Variants in MSMO1 observed in about 807,000 individuals in gnomAD.
The protein encoded by MSMO1 is methylsterol monooxygenase 1.
In MSMO1, 18 loss-of-function variants were observed where a neutral mutation model predicts 30.4. The observed-to-expected ratio is 0.59, with a 90% CI of 0.41 to 0.88. The LOEUF is 0.88. MSMO1 is among the 40% of genes least tolerant of loss of function. MSMO1 has a pLI of 0.00. For missense variants in MSMO1, 284 were observed against 340.5 expected, an observed-to-expected ratio of 0.83 and a Z score of 1.31; for synonymous variants, 84 against 107.9, an observed-to-expected ratio of 0.78 and a Z score of 1.37.
chr4:165,333,324 G>T lies in MSMO1; in HGVS notation c.-31-16G>T. On this transcript the variant is annotated splice_polypyrimidine_tract_variant and intron_variant, in intron 1 of 5. Transcript: ENST00000261507. ...GCTCATTGTTTAACTTATTATATAT[G>T]TATTCATTTCTACAGAATTATAAGG... The T allele has an allele frequency of 1.3e-6, 2 of 1,589,768 alleles. No individual in the cohort carries two copies. The highest frequency in any genetic ancestry group is 1.7e-6 in the Non-Finnish European group (2 of 1,162,864).
chr4:165,329,574 CAAAA>C lies in MSMO1; in HGVS notation c.-32+1822_-32+1825del, dbSNP rs373961662. On this transcript the variant is annotated intron_variant, in intron 1 of 5. Transcript: ENST00000261507. Reference sequence around the variant, plus strand: ...TCTTCCAGATTAGTCAAATAAACTCCAAAAAAAAAAAAAAAGGTTTATTGGATTT... The same window carrying C: ...TCTTCCAGATTAGTCAAATAAACTCCAAAAAAAAAAAGGTTTATTGGATTT... Among the ~76,000 whole-genome samples, 20 of 89,476 alleles carry C rather than the reference CAAAA, an allele frequency of 2.2e-4. 1 individual carries two copies. Among genetic ancestry groups the C allele is most frequent in the African/African-American group, 7.3e-4 (19 of 25,986 alleles). 58.7% of individuals were successfully genotyped at this position (89,476 alleles called of 152,430 possible).
intron 2 of MSMO1, among the ~76,000 whole-genome samples, chr4:165,334,954 C>G (rs902803485): frequency 6.6e-6 from 1 of 152,160 alleles, no homozygotes. Context: ...TGTGTCTACA[C>G]TGAACATGTA....
chr4:165,341,056 A>G (rs938242096), intron 5 of MSMO1, among the ~76,000 whole-genome samples: 80 of 151,336 alleles, frequency 5.3e-4, no homozygotes, highest in Non-Finnish European at 1.1e-3. Context: ...TTTTCTATCC[A>G]TTGTTTCTTT....
At chr4:165,335,448 T>C (rs531940333) in intron 2 of MSMO1, among the ~76,000 whole-genome samples, 1 of 152,342 alleles carries the variant, frequency 6.6e-6, no homozygotes, top group Middle Eastern at 3.4e-3. Context: ...AAGTGCTTTT[T>C]AGGAAAGCAG....
In MSMO1 at chr4:165,342,181, T is replaced by G; in HGVS notation, c.*235T>G. Reference sequence around the variant, plus strand: ...TAAGTACAGTTTTCATGAGGAAGTTTTAAAAGACCATGTTCCTAAGCTTCC... The same window carrying G: ...TAAGTACAGTTTTCATGAGGAAGTTGTAAAAGACCATGTTCCTAAGCTTCC... On this transcript the variant is annotated 3_prime_UTR_variant, in exon 6 of 6. Transcript: ENST00000261507. 1 of 396,384 alleles carries G rather than the reference T, an allele frequency of 2.5e-6. No homozygotes were observed. The highest frequency in any genetic ancestry group is 2.8e-5 in the South Asian group (1 of 36,104). 24.6% of individuals were successfully genotyped at this position (396,384 alleles called of 1,614,324 possible).
Position 165,338,793 on chromosome 4 carries a change from T to C in MSMO1, c.531+15T>C, listed in dbSNP as rs112787177. 1.3e-5 allele frequency: 20 copies of C among 1,567,826 alleles called. No individual in the cohort carries two copies. The African/African-American group carries it at 1.6e-4, about 13-fold the overall frequency. ...ATGAGTTTCAGGTATGTGAGAGTTA[T>C]ATTTAATTCTTTCTGTTAGAGGCAA... is the stretch of plus-strand genomic sequence containing the variant. On this transcript the variant is annotated intron_variant, in intron 4 of 5. Coordinates refer to ENST00000261507, the MANE Select transcript of MSMO1 (RefSeq NM_006745.5).
intron 1 of MSMO1, chr4:165,327,995 A>C (rs3756015): frequency 0.37 from 56,901 of 152,218 alleles, 11,133 homozygotes; most frequent in Middle Eastern, 0.49. Flanking sequence ...AAGTGATGGA[A>C]CTAGGCTAGG....
rs72119405 is a variant in MSMO1 at position 165,338,306 on chromosome 4, GTATATATATATA to G, written c.405-333_405-322del. Among the ~76,000 whole-genome samples the G allele has an allele frequency of 1.2e-4, 10 of 83,338 alleles. No homozygotes were observed. The South Asian group carries it at 1.9e-3, about 16-fold the overall frequency. The allele number at this position is 83,338 out of a possible 152,430, so 54.7% of individuals were successfully genotyped here. ...TTTACATGAACAAAAATATGTATGT[GTATATATATATA>G]TATATATATATACACACATATATAT... On this transcript the variant is annotated intron_variant, in intron 3 of 5. Coordinates refer to ENST00000261507, the MANE Select transcript of MSMO1 (RefSeq NM_006745.5).
In MSMO1 at chr4:165,333,287, T is replaced by A. The variant is rs1001562788; in HGVS notation, c.-31-53T>A. ...CAGAGGATGCATTTTTTAACTGTTT[T>A]ATTTTTTGAAAGCTCATTGTTTAAC... is the stretch of plus-strand genomic sequence containing the variant. On this transcript the variant is annotated intron_variant, in intron 1 of 5. Coordinates refer to ENST00000261507, the MANE Select transcript of MSMO1 (RefSeq NM_006745.5). 9.7e-6 allele frequency: 14 copies of A among 1,447,874 alleles called. No individual in the cohort carries two copies. In the African/African-American group the frequency reaches 2.0e-4, roughly 21 times the overall value. The allele number at this position is 1,447,874 out of a possible 1,614,324, so 89.7% of individuals were successfully genotyped here.
At chr4:165,332,933 A>G (rs945974379) in intron 1 of MSMO1, among the ~76,000 whole-genome samples, 1 of 152,140 alleles carries the variant, frequency 6.6e-6, no homozygotes, top group African/African-American at 2.4e-5. Flanking sequence ...TAATTTTTAT[A>G]TACTCATATT....
intron 5 of MSMO1, 21 bp downstream of exon 5, chr4:165,340,396 A>T: frequency 6.3e-7 from 1 of 1,591,678 alleles, no homozygotes; most frequent in Non-Finnish European, 8.6e-7. Flanking sequence ...ATTTCTGTTC[A>T]GGTATAAAGC....
intron 3 of MSMO1, 62 bp from the exon 4 acceptor site, chr4:165,338,590 A>G (rs778155219): frequency 4.1e-6 from 6 of 1,458,266 alleles, no homozygotes; most frequent in Non-Finnish European, 5.8e-6. Context: ...GATCCCAACT[A>G]AAAGTCTGGA....
In MSMO1 at chr4:165,342,916, A is replaced by AT. The variant is rs1277715616; in HGVS notation, c.*977dup. 6.6e-6 allele frequency: 1 copy of AT among 152,570 alleles called. No homozygotes were observed. The highest frequency in any genetic ancestry group is 2.4e-5 in the African/African-American group (1 of 41,422). 9.5% of individuals were successfully genotyped at this position (152,570 alleles called of 1,614,324 possible). A position where few individuals can be genotyped will look rare whatever the true frequency, so the allele number is the denominator to read the frequency against. ...TCTAAAGGCTTTTCAAATTACTTGA[A>AT]TTTTTTTAAAAATTGAGGAGCTTTA... On this transcript the variant is annotated 3_prime_UTR_variant, in exon 6 of 6. Transcript: ENST00000261507.
At chr4:165,332,077 C>T (rs1005384238) in intron 1 of MSMO1, among the ~76,000 whole-genome samples, 9 of 152,162 alleles carry the variant, frequency 5.9e-5, no homozygotes, top group Non-Finnish European at 8.8e-5. Flanking sequence ...TCTTCATTAA[C>T]ACTATCTCCT....
intron 1 of MSMO1, among the ~76,000 whole-genome samples, chr4:165,331,737 A>G (rs964654533): frequency 6.6e-6 from 1 of 152,196 alleles, no homozygotes; most frequent in Non-Finnish European, 1.5e-5. Flanking sequence ...GGTCCAAAAA[A>G]TTCATAAATT....
rs764034723 is a variant in MSMO1 at position 165,338,728 on chromosome 4, C to T, written c.481C>T (p.His161Tyr). 3.8e-6 allele frequency: 6 copies of T among 1,596,670 alleles called. No individual in the cohort carries two copies. Among genetic ancestry groups the T allele is most frequent in the African/African-American group, 1.3e-5 (1 of 74,496 alleles). ...GCACTATTTTCTGCATAGACTCTTACACCACAAAAGAATATACAAGTATAT... is the reference window on the plus strand; with the variant it reads ...GCACTATTTTCTGCATAGACTCTTATACCACAAAAGAATATACAAGTATAT... ...TWHYFLHRLLHHKRIYKYIHK... is the reference protein window; with the variant it reads ...TWHYFLHRLLYHKRIYKYIHK... Residue 161 changes from histidine (H) to tyrosine (Y), a missense_variant, in exon 4 of 6, where the codon CAC becomes TAC. Coordinates refer to ENST00000261507, the MANE Select transcript of MSMO1 (RefSeq NM_006745.5).
chr4:165,333,399 T>G lies in MSMO1; in HGVS notation c.29T>G (p.Phe10Cys). Reference sequence around the variant, plus strand: ...GCAACAAATGAAAGTGTCAGCATCTTTAGTTCAGCATCCTTGGCTGTGGAA... The same window carrying G: ...GCAACAAATGAAAGTGTCAGCATCTGTAGTTCAGCATCCTTGGCTGTGGAA... MATNESVSI[F>C]SSASLAVEYV... The change falls in exon 2 of 6, where the codon TTT becomes TGT. Residue 10 changes from phenylalanine (F) to cysteine (C), a missense_variant. By Grantham distance (205) the Phe-to-Cys change is radical. Transcript: ENST00000261507. 1 of 1,611,960 alleles carries G rather than the reference T, an allele frequency of 6.2e-7. No homozygotes were observed. The highest frequency in any genetic ancestry group is 1.1e-5 in the South Asian group (1 of 90,970).
rs755855579 is a variant in MSMO1, at chr4:165,337,768, T to A, written c.256-21T>A. 1.1e-5 allele frequency: 17 copies of A among 1,611,764 alleles called. No homozygotes were observed. In the Admixed American group the frequency reaches 1.7e-4, roughly 16 times the overall value. On this transcript the variant is annotated intron_variant, in intron 2 of 5. Transcript: ENST00000261507. ...TCTGATAGCAGAGACTAATATTAGATATTGTGATTTTTCTTCGTAGGATAA... is the reference window on the plus strand; with the variant it reads ...TCTGATAGCAGAGACTAATATTAGAAATTGTGATTTTTCTTCGTAGGATAA...
intron 4 of MSMO1, among the ~76,000 whole-genome samples, chr4:165,339,957 C>T (rs771898515): frequency 1.3e-5 from 2 of 152,124 alleles, no homozygotes; most frequent in Non-Finnish European, 2.9e-5. Flanking sequence ...GTTGCAGTCT[C>T]GAGAATCCTT....
Sources: gnomAD v4.1 joint callset for allele counts (sites outside exome capture counted in the v4.1 genomes callset) on GRCh38, gnomAD v4.1.1 for gene constraint, MANE v1.5 for transcripts, NCBI Gene and HGNC (gene_info 2026-07-23, HGNC 2026-07-21) for gene names.